Variants in ANO5 observed in about 807,000 individuals in gnomAD.
ANO5 encodes anoctamin-5.
In ANO5, 109 loss-of-function variants were observed where a neutral mutation model predicts 121.0. The observed-to-expected ratio is 0.90, with a 90% CI of 0.77 to 1.06. The LOEUF (loss-of-function observed/expected upper bound fraction) is 1.06, where lower values mean the gene tolerates loss of function less well. Ranked by LOEUF, ANO5 falls within the 50% of genes least tolerant of loss-of-function variation. The pLI is 0.00. For missense variants in ANO5, 1,064 were observed against 1,078.5 expected (o/e 0.99, Z 0.19); for synonymous variants, 406 against 359.9 (o/e 1.13, Z -1.45).
At chr11:22,237,697 G>A (rs1853272777) in intron 8 of ANO5, among the ~76,000 whole-genome samples, 1 of 152,116 alleles carries the variant, frequency 6.6e-6, no homozygotes, top group African/African-American at 2.4e-5. Context: ...TTCTGTAAGA[G>A]TAGAGGAAAT....
At chr11:22,226,088 AT>A (rs746125372) in intron 6 of ANO5, 36 bp downstream of exon 6, 1 of 1,531,700 alleles carries the variant, frequency 6.5e-7, no homozygotes, top group African/African-American at 1.4e-5. Flanking sequence ...AGCCTCTTTA[AT>A]TTAAGTGTTG....
rs1313452215 is a variant in ANO5, at chr11:22,281,167, A to T, written c.*1402A>T. 1 of 152,064 alleles carries T rather than the reference A, an allele frequency of 6.6e-6. No homozygotes were observed. Among genetic ancestry groups the T allele is most frequent in the Non-Finnish European group, 1.5e-5 (1 of 67,910 alleles). 9.4% of individuals were successfully genotyped at this position (152,064 alleles called of 1,614,324 possible). On this transcript the variant is annotated 3_prime_UTR_variant, in exon 22 of 22. Transcript: ENST00000324559. ...CCAGTTATGTAGTATTTAAATCTCC[A>T]GTTTCAAATTATAATTCACCTCCAA...
At chr11:22,209,669 A>G (rs1008138357) in intron 2 of ANO5, among the ~76,000 whole-genome samples, 1 of 151,924 alleles carries the variant, frequency 6.6e-6, no homozygotes, top group Non-Finnish European at 1.5e-5. Flanking sequence ...GCCTAAGACT[A>G]TTCTTAGTAA....
intron 6 of ANO5, 35 bp downstream of exon 6, chr11:22,226,087 A>G (rs771699875): frequency 5.5e-5 from 85 of 1,533,018 alleles, no homozygotes; most frequent in Non-Finnish European, 7.3e-5. Context: ...AAGCCTCTTT[A>G]ATTTAAGTGT....
intron 2 of ANO5, among the ~76,000 whole-genome samples, chr11:22,208,254 T>C (rs1178617405): frequency 3.9e-5 from 6 of 152,060 alleles, no homozygotes; most frequent in Admixed American, 3.9e-4. Flanking sequence ...GCTTTATTTG[T>C]AGTAGCCGAA....
intron 12 of ANO5, among the ~76,000 whole-genome samples, chr11:22,254,590 CAA>C (rs759289902): frequency 7.3e-5 from 9 of 123,934 alleles, no homozygotes; most frequent in Non-Finnish European, 7.0e-5. Flanking sequence ...AAAGTTGAAC[CAA>C]AAAAAAAAAA....
At chr11:22,263,090 A>G (rs373131553) in intron 17 of ANO5, 47 bp downstream of exon 17, 2 of 1,475,466 alleles carry the variant, frequency 1.4e-6, no homozygotes, top group African/African-American at 1.4e-5. Context: ...TAACCATGAG[A>G]TATTTCCTCT....
chr11:22,262,031 C>A, intron 15 of ANO5, 98 bp from the exon 16 acceptor site: 1 of 1,201,852 alleles, frequency 8.3e-7, no homozygotes, highest in South Asian at 1.3e-5. Context: ...CTATAGGCTC[C>A]CAGAATGATG....
chr11:22,267,100 A>G (rs1854392343), intron 17 of ANO5, among the ~76,000 whole-genome samples: 2 of 152,206 alleles, frequency 1.3e-5, no homozygotes, highest in South Asian at 4.1e-4. Flanking sequence ...ATTATTTACT[A>G]TATCGGTTAA....
intron 4 of ANO5, 104 bp from the exon 5 acceptor site, chr11:22,220,993 G>T (rs1024436460): frequency 4.8e-5 from 39 of 817,532 alleles, no homozygotes; most frequent in Non-Finnish European, 1.4e-5. Flanking sequence ...GAAAACTCTG[G>T]TTATTTGTCT....
At chr11:22,252,219 T>G (rs1315303206) in intron 12 of ANO5, among the ~76,000 whole-genome samples, 1 of 152,142 alleles carries the variant, frequency 6.6e-6, no homozygotes, top group Non-Finnish European at 1.5e-5. Flanking sequence ...GAAATCTTAT[T>G]AATGGTTTAA....
intron 13 of ANO5, 89 bp from the exon 14 acceptor site, chr11:22,257,591 T>A: frequency 9.2e-7 from 1 of 1,092,634 alleles, no homozygotes; most frequent in Admixed American, 1.8e-5. Flanking sequence ...ACTCCTACTT[T>A]AACTGGGCTC....
intron 9 of ANO5, among the ~76,000 whole-genome samples, chr11:22,241,615 C>T (rs765759345): frequency 5.9e-5 from 9 of 151,782 alleles, no homozygotes; most frequent in Admixed American, 1.3e-4. Context: ...TATCTGATTG[C>T]GGTTTTGATT....
intron 21 of ANO5, among the ~76,000 whole-genome samples, chr11:22,277,581 G>C (rs1408649224): frequency 6.6e-6 from 1 of 151,346 alleles, no homozygotes; most frequent in Admixed American, 6.6e-5. Flanking sequence ...TCTGTTTCCT[G>C]TCTTATATTC....
intron 5 of ANO5, among the ~76,000 whole-genome samples, chr11:22,224,470 A>G (rs1313438804): frequency 6.6e-6 from 1 of 152,104 alleles, no homozygotes; most frequent in African/African-American, 2.4e-5. Flanking sequence ...AGTGCATACA[A>G]TGGAGAAAAG....
Position 22,279,622 on chromosome 11 carries a change from A to G in ANO5, c.2599A>G (p.Arg867Gly). Residue 867 changes from arginine (R) to glycine (G), a missense_variant, in exon 22 of 22, where the codon AGA becomes GGA. Arg to Gly is a moderately radical substitution (Grantham distance 125, BLOSUM62 -2). Coordinates refer to ENST00000324559, the MANE Select transcript of ANO5 (RefSeq NM_213599.3). Reference sequence around the variant, plus strand: ...AAAAGATGTTGTGGAGAGAATCAAGAGAGAAAAGTTAATGACTATCAAGAT... The same window carrying G: ...AAAAGATGTTGTGGAGAGAATCAAGGGAGAAAAGTTAATGACTATCAAGAT... Reference protein sequence around the residue: ...VPKDVVERIKREKLMTIKILH... With the variant: ...VPKDVVERIKGEKLMTIKILH... The G allele has an allele frequency of 6.2e-7, 1 of 1,613,050 alleles. No individual in the cohort carries two copies.
At chr11:22,197,525 G>A (rs767025274) in intron 1 of ANO5, among the ~76,000 whole-genome samples, 3 of 152,120 alleles carry the variant, frequency 2.0e-5, no homozygotes, top group Non-Finnish European at 4.4e-5. Flanking sequence ...AAACTTGAAC[G>A]TTAGGTTGTT....
chr11:22,269,459 A>C (rs1447441532), intron 17 of ANO5, among the ~76,000 whole-genome samples: 1 of 139,850 alleles, frequency 7.2e-6, no homozygotes, highest in Admixed American at 7.2e-5. Context: ...GGAAGAAGGA[A>C]GGAAGGAGAA....
intron 9 of ANO5, among the ~76,000 whole-genome samples, chr11:22,246,796 C>T (rs1484172061): frequency 8.2e-5 from 11 of 134,896 alleles, no homozygotes; most frequent in Non-Finnish European, 1.2e-4. Context: ...ACAGAGGTTG[C>T]GATGAGCCGA....
Sources: gnomAD v4.1 joint callset for allele counts (sites outside exome capture counted in the v4.1 genomes callset) on GRCh38, gnomAD v4.1.1 for gene constraint, MANE v1.5 for transcripts, NCBI Gene and HGNC (gene_info 2026-07-23, HGNC 2026-07-21) for gene names.